The following SDK2 variants were observed in gnomAD, a reference collection of about 807,000 sequenced individuals.
The protein encoded by SDK2 is sidekick cell adhesion molecule 2.
Under a neutral mutation model 253.9 loss-of-function variants are expected in SDK2, and 105 were observed. That is an observed-to-expected ratio of 0.41 (90% CI 0.35 to 0.49). The LOEUF is 0.49. Ranked by LOEUF, SDK2 falls within the 20% of genes least tolerant of loss-of-function variation. SDK2 has a pLI of 0.06. For missense variants in SDK2, 2,608 were observed against 3,003.0 expected (o/e 0.87, Z 3.07); for synonymous variants, 1,249 against 1,234.9 (o/e 1.01, Z -0.24).
At chr17:73,614,979 T>TGAA (rs2046035103) in intron 1 of SDK2, among the ~76,000 whole-genome samples, 1 of 137,340 alleles carries the variant, frequency 7.3e-6, no homozygotes, top group Non-Finnish European at 1.6e-5. Flanking sequence ...GAATAGAAGA[T>TGAA]AAAAAAAAAA....
rs2063323116 is a variant in SDK2 at position 73,431,197 on chromosome 17, G to A, written c.1480+305C>T. 6.6e-6 allele frequency among the ~76,000 whole-genome samples: 1 copy of A among 152,180 alleles called. No homozygotes were observed. Among genetic ancestry groups the A allele is most frequent in the Admixed American group, 6.5e-5 (1 of 15,282 alleles). ...CACAGCTTAAAATATTTATGATCTG[G>A]CCCTTTCTTGAAAATATTTGCCGAT... On this transcript the variant is annotated intron_variant, in intron 11 of 44. Transcript: ENST00000392650. This position sits in a 1 kb window ranked among gnomAD's most constrained non-coding sequence, Gnocchi z 5.6.
chr17:73,489,508 A>C (rs2063791433), intron 2 of SDK2, among the ~76,000 whole-genome samples: 1 of 152,212 alleles, frequency 6.6e-6, no homozygotes, highest in Non-Finnish European at 1.5e-5. Context: ...CACCGCCCAG[A>C]TGGCCGGAGC....
intron 1 of SDK2, among the ~76,000 whole-genome samples, chr17:73,587,950 A>G (rs1430094047): frequency 6.6e-6 from 1 of 152,148 alleles, no homozygotes; most frequent in Non-Finnish European, 1.5e-5. Context: ...TTGGCATCCC[A>G]TTAGCCACTC....
At chr17:73,387,249 C>A (rs1002080905) in intron 30 of SDK2, among the ~76,000 whole-genome samples, 8 of 152,210 alleles carry the variant, frequency 5.3e-5, no homozygotes, top group African/African-American at 1.9e-4. Context: ...CGTAAGCCAC[C>A]GCTCCTGGCC....
chr17:73,398,269 C>A, intron 23 of SDK2, 51 bp downstream of exon 23: 1 of 1,603,890 alleles, frequency 6.2e-7, no homozygotes. Context: ...ATAGCCCCCA[C>A]CCACCCCCAG....
rs558582200 is a variant in SDK2 at position 73,600,354 on chromosome 17, G to C, written c.64+43671C>G. Among the ~76,000 whole-genome samples, 10 of 152,332 alleles carry C rather than the reference G, an allele frequency of 6.6e-5. No homozygotes were observed. In the South Asian group the frequency reaches 1.4e-3, roughly 22 times the overall value. On this transcript the variant is annotated intron_variant, in intron 1 of 44. Coordinates refer to ENST00000392650, the MANE Select transcript of SDK2 (RefSeq NM_001144952.2). ...TCTTGATCCTCCCAAAGCCCTGTTC[G>C]TGCTGCTAACAAGGGCAGTAATTTG...
chr17:73,411,102 C>T (rs956359275), intron 18 of SDK2, among the ~76,000 whole-genome samples: 5 of 151,948 alleles, frequency 3.3e-5, no homozygotes, highest in African/African-American at 4.8e-5. Flanking sequence ...GAGAGTTTTC[C>T]GGCAGCGAGT....
intron 1 of SDK2, among the ~76,000 whole-genome samples, chr17:73,548,671 T>G (rs1250434055): frequency 1.3e-5 from 2 of 152,228 alleles, no homozygotes; most frequent in African/African-American, 4.8e-5. Context: ...AGGCCCTGGA[T>G]AGCCTGTCTC....
intron 3 of SDK2, among the ~76,000 whole-genome samples, chr17:73,461,003 G>T (rs1186870397): frequency 6.6e-6 from 1 of 152,230 alleles, no homozygotes; most frequent in East Asian, 1.9e-4. Context: ...TTATGCAGCT[G>T]TGAACACTGA....
intron 21 of SDK2, among the ~76,000 whole-genome samples, chr17:73,399,897 CTG>C (rs1227769871): frequency 1.3e-5 from 2 of 152,232 alleles, no homozygotes; most frequent in African/African-American, 4.8e-5. Flanking sequence ...ATCCAACTCT[CTG>C]TGCCTCCATG....
rs1369975349 is a variant in SDK2, at chr17:73,414,880, C to T, written c.2369-121G>A. 2.2e-5 allele frequency: 14 copies of T among 637,662 alleles called. No homozygotes were observed. The Admixed American group carries it at 3.4e-4, about 15-fold the overall frequency. 39.5% of individuals were successfully genotyped at this position (637,662 alleles called of 1,614,324 possible). On this transcript the variant is annotated intron_variant, in intron 17 of 44. Coordinates refer to ENST00000392650, the MANE Select transcript of SDK2 (RefSeq NM_001144952.2). ...CTCTGCCTTGCACCCCCCTACCCCA[C>T]CCCAACTCCTCCCTCGCTGTGTAGA...
Position 73,424,320 on chromosome 17 carries a change from G to A in SDK2, c.1584-228C>T, listed in dbSNP as rs529110532. ...GGTGCAGGAGAGTGGGAGAGCGAAC[G>A]CATTCAGTCATTATTGGTCGTTACA... On this transcript the variant is annotated intron_variant, in intron 12 of 44. Transcript: ENST00000392650. Among the ~76,000 whole-genome samples, 11 of 152,248 alleles carry A rather than the reference G, an allele frequency of 7.2e-5. No homozygotes were observed. In the East Asian group the frequency reaches 7.7e-4, roughly 11 times the overall value.
At chr17:73,433,228 G>A (rs1292655046) in intron 10 of SDK2, among the ~76,000 whole-genome samples, 1 of 152,112 alleles carries the variant, frequency 6.6e-6, no homozygotes, top group Non-Finnish European at 1.5e-5. Context: ...CAGGGTGGCA[G>A]GTCTTGGAAG....
At chr17:73,365,755 C>A (rs897022687) in intron 37 of SDK2, among the ~76,000 whole-genome samples, 5 of 152,078 alleles carry the variant, frequency 3.3e-5, no homozygotes, top group Admixed American at 1.3e-4. Flanking sequence ...CCTGGCTTTG[C>A]GGGGTTCGTC....
At chr17:73,393,000 G>A (rs937886698) in intron 27 of SDK2, among the ~76,000 whole-genome samples, 1 of 152,094 alleles carries the variant, frequency 6.6e-6, no homozygotes, top group African/African-American at 2.4e-5. Context: ...ATTGCAGCAT[G>A]TTGGGAGGCT....
intron 1 of SDK2, among the ~76,000 whole-genome samples, chr17:73,527,456 C>A (rs1381009826): frequency 1.3e-5 from 2 of 152,124 alleles, no homozygotes; most frequent in South Asian, 2.1e-4. Flanking sequence ...GAGGGAAAGA[C>A]AGCCTGGCCC....
chr17:73,497,987 C>A (rs1044115667), intron 2 of SDK2, among the ~76,000 whole-genome samples: 6 of 152,186 alleles, frequency 3.9e-5, no homozygotes, highest in African/African-American at 1.4e-4. Context: ...TGGCTACCTC[C>A]ACTCATTCTC....
At chr17:73,385,772 G>A in intron 32 of SDK2, 75 bp downstream of exon 32, 1 of 1,375,470 alleles carries the variant, frequency 7.3e-7, no homozygotes, top group Non-Finnish European at 1.0e-6. Context: ...GCCCTGGTGG[G>A]GACTGCTGGC....
chr17:73,533,352 G>A (rs1018957647), intron 1 of SDK2, among the ~76,000 whole-genome samples: 2 of 152,236 alleles, frequency 1.3e-5, no homozygotes, highest in African/African-American at 4.8e-5. Context: ...AGGCTGCCGA[G>A]CCTGGAGGAA....
Sources: allele counts gnomAD v4.1 joint callset (sites outside exome capture counted in the v4.1 genomes callset), GRCh38; gene constraint gnomAD v4.1.1; non-coding constraint Gnocchi (gnomAD v3.1); transcripts MANE v1.5; gene names NCBI Gene and HGNC (gene_info 2026-07-23, HGNC 2026-07-21).